The following CDK5RAP1 variants were observed in gnomAD, a reference collection of about 807,000 sequenced individuals.
The protein encoded by CDK5RAP1 is CDK5RAP1 mitochondrial tRNA methylthiotransferase.
Under a neutral mutation model 64.5 loss-of-function variants are expected in CDK5RAP1, and 62 were observed. That is an observed-to-expected ratio of 0.96 (90% CI 0.78 to 1.19). The LOEUF is 1.19. Among genes scored for constraint, CDK5RAP1 ranks in the 50% most tolerant of loss-of-function variants. The probability of loss-of-function intolerance (pLI) is 0.00; values close to 1 mark genes in which losing one functional copy is unlikely to be tolerated. For missense variants in CDK5RAP1, 657 were observed against 735.0 expected (o/e 0.89, Z 1.23); for synonymous variants, 250 against 261.9 (o/e 0.95, Z 0.44).
At chr20:33,369,327 CA>C (rs1456797414) in intron 11 of CDK5RAP1, among the ~76,000 whole-genome samples, 1 of 149,720 alleles carries the variant, frequency 6.7e-6, no homozygotes, top group Middle Eastern at 3.2e-3. Context: ...ACTAAAAATA[CA>C]AAAAATTAGC....
At chr20:33,394,582 A>G (rs953357024) in intron 3 of CDK5RAP1, among the ~76,000 whole-genome samples, 3 of 151,842 alleles carry the variant, frequency 2.0e-5, no homozygotes, top group African/African-American at 7.3e-5. Flanking sequence ...CCTGTCTTCA[A>G]GCAATCCTCC....
At chr20:33,399,209 C>G (rs1989172043) in intron 1 of CDK5RAP1, among the ~76,000 whole-genome samples, 1 of 151,378 alleles carries the variant, frequency 6.6e-6, no homozygotes, top group African/African-American at 2.4e-5. Context: ...CTAGGATCAC[C>G]ATATATTTTT....
intron 10 of CDK5RAP1, 104 bp from the exon 11 acceptor site, chr20:33,370,733 C>T: frequency 8.2e-7 from 1 of 1,215,828 alleles, no homozygotes; most frequent in Non-Finnish European, 1.2e-6. Context: ...ACTGTAAGGT[C>T]CTCCCTAGGA....
intron 12 of CDK5RAP1, among the ~76,000 whole-genome samples, chr20:33,365,597 TAAAA>T (rs11471267): frequency 0.012 from 968 of 78,356 alleles, 13 homozygotes; most frequent in African/African-American, 0.043. Flanking sequence ...CTCTATAATG[TAAAA>T]AAAAAAAAAA....
intron 7 of CDK5RAP1, among the ~76,000 whole-genome samples, chr20:33,383,690 G>A (rs1205655817): frequency 3.5e-5 from 5 of 143,680 alleles, no homozygotes; most frequent in African/African-American, 7.8e-5. Flanking sequence ...GTGGTGAGCC[G>A]AGATCACACC....
At chr20:33,362,284 T>A (rs909372634) in intron 12 of CDK5RAP1, among the ~76,000 whole-genome samples, 2 of 151,724 alleles carry the variant, frequency 1.3e-5, no homozygotes, top group African/African-American at 4.8e-5. Flanking sequence ...CCAAAGAAAA[T>A]GGCATAGAGT....
chr20:33,366,210 T>A (rs952891439), intron 12 of CDK5RAP1, among the ~76,000 whole-genome samples: 16 of 151,068 alleles, frequency 1.1e-4, no homozygotes, highest in Non-Finnish European at 2.1e-4. Context: ...TCCCAGCTAC[T>A]CTGGAGGCTG....
At chr20:33,388,521 C>CCTCTCCCT (rs1265175071) in intron 5 of CDK5RAP1, among the ~76,000 whole-genome samples, 19 of 130,204 alleles carry the variant, frequency 1.5e-4, no homozygotes, top group African/African-American at 5.7e-4. Flanking sequence ...TCTCCCTCTC[C>CCTCTCCCT]CTCTCCCTCT....
chr20:33,383,741 CAA>C (rs34365439), intron 7 of CDK5RAP1, among the ~76,000 whole-genome samples: 8 of 91,232 alleles, frequency 8.8e-5, no homozygotes, highest in African/African-American at 9.2e-5. Flanking sequence ...AACTCTGTCT[CAA>C]AAAAAAAAAA....
intron 9 of CDK5RAP1, 167 bp downstream of exon 9, chr20:33,373,948 G>C: frequency 1.6e-6 from 1 of 634,132 alleles, no homozygotes. Context: ...CTTATGAAGT[G>C]AGCAGAAGCA....
chr20:33,371,675 T>G (rs1985037514), intron 10 of CDK5RAP1, among the ~76,000 whole-genome samples: 1 of 151,876 alleles, frequency 6.6e-6, no homozygotes, highest in Non-Finnish European at 1.5e-5. Context: ...CCTGGCTACT[T>G]GGGAGGCTGA....
chr20:33,363,072 T>C (rs190358693), intron 12 of CDK5RAP1, among the ~76,000 whole-genome samples: 116 of 152,362 alleles, frequency 7.6e-4, no homozygotes, highest in Admixed American at 6.7e-3. Flanking sequence ...CAAAATTGTA[T>C]GCCACCTCAC....
At chr20:33,371,596 T>A (rs1321528958) in intron 10 of CDK5RAP1, among the ~76,000 whole-genome samples, 1 of 152,134 alleles carries the variant, frequency 6.6e-6, no homozygotes, top group African/African-American at 2.4e-5. Context: ...GGGACCAGCC[T>A]GGACAACATG....
rs115943745 is a variant in CDK5RAP1, at chr20:33,382,550, G to A, written c.877-2859C>T. Among the ~76,000 whole-genome samples, 1,275 of 152,168 alleles carry A rather than the reference G, an allele frequency of 8.4e-3. 15 individuals carry two copies. The highest frequency in any genetic ancestry group is 0.028 in the African/African-American group (1,154 of 41,520). ...ACAAAAATGAGCTAAGTATGGTGGC[G>A]CATGCCTGTAGTCCCATTTACTCAG... On this transcript the variant is annotated intron_variant, in intron 7 of 13. Transcript: ENST00000346416.
At chr20:33,400,507 C>A (rs902140968) in intron 1 of CDK5RAP1, among the ~76,000 whole-genome samples, 7 of 152,138 alleles carry the variant, frequency 4.6e-5, no homozygotes, top group African/African-American at 1.7e-4. Context: ...AAAAGCAGCA[C>A]CTACCACCCC....
intron 3 of CDK5RAP1, among the ~76,000 whole-genome samples, chr20:33,394,601 C>A (rs2146719822): frequency 6.6e-6 from 1 of 152,044 alleles, no homozygotes; most frequent in East Asian, 1.9e-4. Context: ...CCTGCCTTGG[C>A]CTCCCAAAGT....
chr20:33,364,129 A>AT (rs950789966), intron 12 of CDK5RAP1, among the ~76,000 whole-genome samples: 1 of 151,784 alleles, frequency 6.6e-6, no homozygotes, highest in African/African-American at 2.4e-5. Context: ...TTTGTTTATA[A>AT]TTTTTTTAAA....
chr20:33,362,304 T>G (rs548928889), intron 12 of CDK5RAP1, among the ~76,000 whole-genome samples: 1 of 152,204 alleles, frequency 6.6e-6, no homozygotes, highest in South Asian at 2.1e-4. Context: ...TAAAGAAGAA[T>G]GACCACAAAC....
At chr20:33,361,950 AGTCTC>A (rs1982997975) in intron 12 of CDK5RAP1, among the ~76,000 whole-genome samples, 1 of 133,890 alleles carries the variant, frequency 7.5e-6, no homozygotes, top group Non-Finnish European at 1.6e-5. Context: ...AGTGAGCCTC[AGTCTC>A]AAAAAAAAAA....
Sources: gnomAD v4.1 joint callset for allele counts (sites outside exome capture counted in the v4.1 genomes callset) on GRCh38, gnomAD v4.1.1 for gene constraint, MANE v1.5 for transcripts, NCBI Gene and HGNC (gene_info 2026-07-23, HGNC 2026-07-21) for gene names.